FBXL17: variants seen among roughly 807,000 people sequenced by gnomAD.
The protein encoded by FBXL17 is F-box and leucine rich repeat protein 17.
Under a neutral mutation model 66.2 loss-of-function variants are expected in FBXL17, and 22 were observed. The ratio of observed to expected loss-of-function variants is 0.33; its 90% CI spans 0.24 to 0.47. The LOEUF (loss-of-function observed/expected upper bound fraction) is 0.47, where lower values mean the gene tolerates loss of function less well. FBXL17 is among the 20% of genes least tolerant of loss of function. The pLI is 1.00. For synonymous variants in FBXL17, 474 were observed against 400.5 expected (o/e 1.18, Z -2.19); for missense variants, 878 against 948.2 (o/e 0.93, Z 0.97).
At chr5:108,269,462 C>A (rs1243626725) in intron 4 of FBXL17, among the ~76,000 whole-genome samples, 1 of 152,024 alleles carries the variant, frequency 6.6e-6, no homozygotes, top group Non-Finnish European at 1.5e-5. Context: ...AGAATATACA[C>A]AATAACTAAT....
chr5:108,244,065 T>C (rs1336536205), intron 4 of FBXL17, among the ~76,000 whole-genome samples: 1 of 152,084 alleles, frequency 6.6e-6, no homozygotes, highest in African/African-American at 2.4e-5. Context: ...CTATGTAACT[T>C]TGCTTTCTGT....
At chr5:108,265,349 C>T (rs1004928405) in intron 4 of FBXL17, among the ~76,000 whole-genome samples, 1 of 151,908 alleles carries the variant, frequency 6.6e-6, no homozygotes, top group African/African-American at 2.4e-5. Flanking sequence ...GACAACTGAC[C>T]CAATTAATCA....
intron 6 of FBXL17, among the ~76,000 whole-genome samples, chr5:108,182,995 T>TTC (rs1449396891): frequency 1.3e-5 from 2 of 152,080 alleles, no homozygotes; most frequent in African/African-American, 4.8e-5. Flanking sequence ...CAGAAAATTG[T>TTC]TGTGGAATAT....
At chr5:108,317,405 C>G (rs1229672533) in intron 4 of FBXL17, among the ~76,000 whole-genome samples, 1 of 150,318 alleles carries the variant, frequency 6.7e-6, no homozygotes, top group Non-Finnish European at 1.5e-5. Context: ...TGAGGGGATG[C>G]ATATCCCAAC....
At position 108,010,324 on chromosome 5, in the gene FBXL17, A is replaced by G. The variant is rs553126234; in HGVS notation, c.1822+10601T>C. On this transcript the variant is annotated intron_variant, in intron 7 of 8. Transcript: ENST00000542267. Reference sequence around the variant, plus strand: ...CCCAGCAAGTTGATGGACTAGCTAAAATGTAAAATTACTTCTTCCCAAGTC... The same window carrying G: ...CCCAGCAAGTTGATGGACTAGCTAAGATGTAAAATTACTTCTTCCCAAGTC... Among the ~76,000 whole-genome samples the G allele has an allele frequency of 3.3e-5, 5 of 152,338 alleles. No homozygotes were observed. In the East Asian group the frequency reaches 9.6e-4, roughly 29 times the overall value.
At chr5:108,040,542 C>T (rs994984542) in intron 6 of FBXL17, among the ~76,000 whole-genome samples, 1 of 152,020 alleles carries the variant, frequency 6.6e-6, no homozygotes, top group African/African-American at 2.4e-5. Flanking sequence ...TATCCAGATG[C>T]AAGCATTTAA....
chr5:107,921,624 G>A (rs540058672), intron 7 of FBXL17, among the ~76,000 whole-genome samples: 1 of 152,294 alleles, frequency 6.6e-6, no homozygotes, highest in East Asian at 1.9e-4. Flanking sequence ...ACAACTTGAA[G>A]AGTTAAATCC....
At chr5:108,342,636 A>G (rs1024726623) in intron 4 of FBXL17, among the ~76,000 whole-genome samples, 5 of 152,160 alleles carry the variant, frequency 3.3e-5, no homozygotes, top group African/African-American at 1.2e-4. Flanking sequence ...AAGTTTGGGA[A>G]TCTTAACAGA....
Position 107,861,048 on chromosome 5 carries a change from G to C in FBXL17, c.*672C>G, listed in dbSNP as rs1748106778. 1 of 152,206 alleles carries C rather than the reference G, an allele frequency of 6.6e-6. No individual in the cohort carries two copies. The highest frequency in any genetic ancestry group is 6.5e-5 in the Admixed American group (1 of 15,278). 9.4% of individuals were successfully genotyped at this position (152,206 alleles called of 1,614,324 possible). On this transcript the variant is annotated 3_prime_UTR_variant, in exon 9 of 9. Transcript: ENST00000542267. ...TAACTTTCGTGAGCTGGCCAGGAGAGTTCAGACTGTTGCCTCTATATAACA... is the reference window on the plus strand; with the variant it reads ...TAACTTTCGTGAGCTGGCCAGGAGACTTCAGACTGTTGCCTCTATATAACA...
At chr5:108,167,884 A>G (rs1192964519) in intron 6 of FBXL17, among the ~76,000 whole-genome samples, 1 of 152,230 alleles carries the variant, frequency 6.6e-6, no homozygotes, top group Admixed American at 6.5e-5. Flanking sequence ...AAAGGGGGAA[A>G]AAATTATCCA....
intron 6 of FBXL17, among the ~76,000 whole-genome samples, chr5:108,099,508 G>A (rs1367600721): frequency 6.6e-6 from 1 of 152,158 alleles, no homozygotes; most frequent in Non-Finnish European, 1.5e-5. Flanking sequence ...CAGACAAAAA[G>A]CAGTAAACTG....
At chr5:107,863,086 T>G (rs1748173882) in intron 8 of FBXL17, among the ~76,000 whole-genome samples, 1 of 151,488 alleles carries the variant, frequency 6.6e-6, no homozygotes, top group Non-Finnish European at 1.5e-5. Flanking sequence ...AACTAATTCC[T>G]TTTGTGATAA....
intron 5 of FBXL17, among the ~76,000 whole-genome samples, chr5:108,202,950 C>T (rs1250888404): frequency 6.6e-6 from 1 of 152,048 alleles, no homozygotes; most frequent in African/African-American, 2.4e-5. Context: ...ATTAAGCAAC[C>T]TTTAATGGGT....
At chr5:107,963,195 C>G (rs1210182267) in intron 7 of FBXL17, among the ~76,000 whole-genome samples, 4 of 151,994 alleles carry the variant, frequency 2.6e-5, no homozygotes, top group Non-Finnish European at 4.4e-5. Context: ...AGGGATTAGT[C>G]GAGGCATTAG....
chr5:107,869,799 G>C (rs965573708), intron 8 of FBXL17, among the ~76,000 whole-genome samples: 1 of 152,106 alleles, frequency 6.6e-6, no homozygotes, highest in African/African-American at 2.4e-5. Flanking sequence ...TTAGCACTTG[G>C]ATCCTTTGTT....
intron 7 of FBXL17, among the ~76,000 whole-genome samples, chr5:107,885,449 G>T (rs575446276): frequency 1.3e-5 from 2 of 152,074 alleles, no homozygotes; most frequent in Non-Finnish European, 1.5e-5. Context: ...AATTACTTCC[G>T]TATATACAAG....
intron 6 of FBXL17, among the ~76,000 whole-genome samples, chr5:108,037,154 G>A (rs1216945203): frequency 3.3e-5 from 5 of 152,104 alleles, no homozygotes; most frequent in African/African-American, 1.2e-4. Flanking sequence ...AAAGGATTGA[G>A]AAGACACCAT....
intron 6 of FBXL17, among the ~76,000 whole-genome samples, chr5:108,052,106 T>A (rs1747499305): frequency 9.9e-6 from 1 of 100,546 alleles, no homozygotes; most frequent in African/African-American, 4.1e-5. Flanking sequence ...GAGTGAGACT[T>A]CGTCTCAAAA....
intron 5 of FBXL17, among the ~76,000 whole-genome samples, chr5:108,203,173 T>C (rs1010079014): frequency 6.6e-6 from 1 of 152,128 alleles, no homozygotes; most frequent in African/African-American, 2.4e-5. Flanking sequence ...TGATGAATAT[T>C]TTTTAATTAG....
Sources: allele counts gnomAD v4.1 joint callset (sites outside exome capture counted in the v4.1 genomes callset), GRCh38; gene constraint gnomAD v4.1.1; transcripts MANE v1.5; gene names NCBI Gene and HGNC (gene_info 2026-07-23, HGNC 2026-07-21).